The following KIF1B variants were observed in gnomAD, a reference collection of about 807,000 sequenced individuals.
KIF1B encodes kinesin family member 1B.
KIF1B carries 76 observed loss-of-function variants against 241.9 expected under a neutral mutation model. That is an observed-to-expected ratio of 0.31 (90% CI 0.26 to 0.38). The LOEUF is 0.38. KIF1B is among the 10% of genes least tolerant of loss of function. KIF1B has a pLI of 1.00. For synonymous variants in KIF1B, 750 were observed against 796.7 expected, an observed-to-expected ratio of 0.94 and a Z score of 0.99; for missense variants, 1,622 against 2,271.4, an observed-to-expected ratio of 0.71 and a Z score of 5.81.
chr1:10,277,963 A>G (rs1649204253), intron 12 of KIF1B, 23 bp from the exon 13 acceptor site: 2 of 1,610,494 alleles, frequency 1.2e-6, no homozygotes, highest in African/African-American at 1.3e-5. Context: ...AATGACAAGA[A>G]CAAATTTTCT....
At chr1:10,322,671 T>C (rs1651570036) in intron 24 of KIF1B, among the ~76,000 whole-genome samples, 1 of 152,216 alleles carries the variant, frequency 6.6e-6, no homozygotes, top group African/African-American at 2.4e-5. Context: ...ATTCTAGTTT[T>C]AGGGAATACG....
chr1:10,312,775 T>C (rs79809846), intron 22 of KIF1B, among the ~76,000 whole-genome samples: 5,716 of 151,572 alleles, frequency 0.038, 597 homozygotes, highest in African/African-American at 0.13. Flanking sequence ...TAACCCTATC[T>C]TTATCTTTCT....
chr1:10,247,092 T>G (rs908854182), intron 2 of KIF1B, among the ~76,000 whole-genome samples: 3 of 152,230 alleles, frequency 2.0e-5, no homozygotes, highest in African/African-American at 7.2e-5. Context: ...ATCGAACTCC[T>G]GAGCTCAAGC....
chr1:10,318,061 T>C (rs1651373354), intron 22 of KIF1B, among the ~76,000 whole-genome samples: 1 of 151,256 alleles, frequency 6.6e-6, no homozygotes, highest in East Asian at 1.9e-4. Flanking sequence ...AACCCAAGCC[T>C]CTTACCAGTT....
Position 10,326,151 on chromosome 1 carries a change from G to T in KIF1B, c.2716G>T (p.Asp906Tyr), listed in dbSNP as rs758389718. The T allele has an allele frequency of 3.7e-6, 6 of 1,613,916 alleles. No individual in the cohort carries two copies. Among genetic ancestry groups the T allele is most frequent in the Non-Finnish European group, 5.1e-6 (6 of 1,180,022 alleles). ...FHGCVNERLA[D>Y]RTPSPTFSTA... ...CGGCTGTGTGAACGAGCGCCTTGCC[G>T]ACCGCACACCCTCCCCCACTTTTTC... Residue 906 changes from aspartate to tyrosine, a missense_variant, in exon 27 of 49, where the codon GAC becomes TAC. Asp to Tyr is a radical substitution (Grantham distance 160). Coordinates refer to ENST00000676179, the MANE Select transcript of KIF1B (RefSeq NM_001365951.3). This position sits in a 1 kb window ranked among gnomAD's most constrained non-coding sequence, Gnocchi z 5.2.
intron 22 of KIF1B, among the ~76,000 whole-genome samples, chr1:10,315,113 A>T (rs1313221008): frequency 2.0e-5 from 3 of 149,872 alleles, no homozygotes; most frequent in Non-Finnish European, 3.0e-5. Context: ...AAAATTATAG[A>T]TATCATGGCA....
chr1:10,346,367 G>GT lies in KIF1B; in HGVS notation c.3797+420dup, dbSNP rs1294025507. Reference sequence around the variant, plus strand: ...CTTGTTGTTTTTTGGGGTTTTTTTTGTTTTTTGTTTTTTTTGAGATGGAGG... The same window carrying GT: ...CTTGTTGTTTTTTGGGGTTTTTTTTGTTTTTTTGTTTTTTTTGAGATGGAGG... On this transcript the variant is annotated intron_variant, in intron 35 of 48. Coordinates refer to ENST00000676179, the MANE Select transcript of KIF1B (RefSeq NM_001365951.3). Among the ~76,000 whole-genome samples, 722 of 135,432 alleles carry GT rather than the reference G, an allele frequency of 5.3e-3. 4 individuals carry two copies. Among genetic ancestry groups the GT allele is most frequent in the African/African-American group, 0.018 (681 of 36,900 alleles). 88.8% of individuals were successfully genotyped at this position (135,432 alleles called of 152,430 possible).
chr1:10,372,664 C>A (rs1569926422), intron 45 of KIF1B, among the ~76,000 whole-genome samples: 1 of 122,350 alleles, frequency 8.2e-6, no homozygotes, highest in East Asian at 3.1e-4. Flanking sequence ...GGTGACAGAG[C>A]TGTCACCCAA....
intron 2 of KIF1B, among the ~76,000 whole-genome samples, chr1:10,245,468 T>C (rs1647197364): frequency 6.6e-6 from 1 of 152,188 alleles, no homozygotes; most frequent in Admixed American, 6.5e-5. Context: ...TGTCCTGCCC[T>C]TCTCCAGCTC....
At chr1:10,294,067 A>G (rs1461555967) in intron 17 of KIF1B, among the ~76,000 whole-genome samples, 2 of 152,106 alleles carry the variant, frequency 1.3e-5, no homozygotes, top group African/African-American at 2.4e-5. Flanking sequence ...TTTCTCTTTA[A>G]CCATCTTTTA....
intron 22 of KIF1B, chr1:10,307,863 T>C: frequency 9.6e-7 from 1 of 1,046,226 alleles, no homozygotes; most frequent in African/African-American, 1.7e-5. Context: ...ACATTCTCTT[T>C]AGTAAGTGTA....
In KIF1B at chr1:10,374,908, C is replaced by A; in HGVS notation, c.5151C>A (p.Asn1717Lys). The A allele has an allele frequency of 6.2e-7, 1 of 1,612,384 alleles. No homozygotes were observed. Among genetic ancestry groups the A allele is most frequent in the Non-Finnish European group, 8.5e-7 (1 of 1,179,158 alleles). Residue 1717 changes from asparagine to lysine, a missense_variant, in exon 47 of 49, where the codon AAC becomes AAA. Physicochemically the swap from Asn to Lys is moderately conservative, Grantham distance 94. Transcript: ENST00000676179. This position sits in a 1 kb window ranked among gnomAD's most constrained non-coding sequence, Gnocchi z 4.3. The stretch of plus-strand genomic sequence containing the variant: ...ATTTCAAGGAGCCTCTTTACAGTAA[C>A]TGGGCTAAACATTTTGTTGTCGTCC... ...YLHFKEPLYS[N>K]WAKHFVVVRR...
intron 22 of KIF1B, chr1:10,308,351 A>G (rs1267433644): frequency 1.9e-6 from 2 of 1,052,816 alleles, no homozygotes; most frequent in Non-Finnish European, 2.3e-6. Context: ...TGTTCTAGAT[A>G]TTCTTAGCTT....
intron 44 of KIF1B, among the ~76,000 whole-genome samples, chr1:10,369,145 G>C (rs1199121965): frequency 6.6e-6 from 1 of 152,200 alleles, no homozygotes; most frequent in Non-Finnish European, 1.5e-5. Context: ...TCTGACAGCT[G>C]TCTGAAACTT....
At chr1:10,306,919 T>TA (rs1447209211) in intron 22 of KIF1B, 1 of 1,046,696 alleles carries the variant, frequency 9.6e-7, no homozygotes, top group East Asian at 5.5e-5. Flanking sequence ...GTGAATGAGT[T>TA]ACTCTCCACT....
At chr1:10,245,531 AG>A (rs1647198157) in intron 2 of KIF1B, among the ~76,000 whole-genome samples, 1 of 152,214 alleles carries the variant, frequency 6.6e-6, no homozygotes, top group Admixed American at 6.5e-5. Context: ...TGAAGACAAA[AG>A]GGAAAAGATA....
At chr1:10,360,328 TTTGA>T (rs1208309927) in intron 38 of KIF1B, among the ~76,000 whole-genome samples, 1 of 152,122 alleles carries the variant, frequency 6.6e-6, no homozygotes, top group Non-Finnish European at 1.5e-5. Context: ...TCTTAATCCC[TTTGA>T]TTGACCTTAC....
rs571514380 is a variant in KIF1B at position 10,374,066 on chromosome 1, G to C, written c.4947-250G>C. Among the ~76,000 whole-genome samples the C allele has an allele frequency of 1.3e-5, 2 of 152,320 alleles. No homozygotes were observed. The highest frequency in any genetic ancestry group is 1.5e-5 in the Non-Finnish European group (1 of 68,032). On this transcript the variant is annotated intron_variant, in intron 45 of 48. Transcript: ENST00000676179. This position sits in a 1 kb window ranked among gnomAD's most constrained non-coding sequence, Gnocchi z 4.3. ...TTCAGAGGGCTTTAATATAGGCAGAGAGATTGTGTGACCCAGTGGCCATCA... is the reference window on the plus strand; with the variant it reads ...TTCAGAGGGCTTTAATATAGGCAGACAGATTGTGTGACCCAGTGGCCATCA...
chr1:10,214,604 A>G (rs563536876), intron 1 of KIF1B, among the ~76,000 whole-genome samples: 2,583 of 139,042 alleles, frequency 0.019, 46 homozygotes, highest in Non-Finnish European at 0.027. Context: ...TTTTTTTGGG[A>G]TGGAGTCTTA....
Sources: gnomAD v4.1 joint callset for allele counts (sites outside exome capture counted in the v4.1 genomes callset) on GRCh38, gnomAD v4.1.1 for gene constraint, Gnocchi (gnomAD v3.1) non-coding constraint, MANE v1.5 for transcripts, NCBI Gene and HGNC (gene_info 2026-07-23, HGNC 2026-07-21) for gene names.